Variants in MTR observed in about 807,000 individuals in gnomAD.
MTR encodes the protein methionine synthase.
MTR carries 84 observed loss-of-function variants against 154.8 expected under a neutral mutation model. That is an observed-to-expected ratio of 0.54 (90% confidence interval 0.45 to 0.65). MTR has a LOEUF of 0.65. Ranked by LOEUF, MTR falls within the 30% of genes least tolerant of loss-of-function variation. The pLI is 0.00. For missense variants in MTR, 1,275 were observed against 1,570.2 expected, an observed-to-expected ratio of 0.81 and a Z score of 3.18; for synonymous variants, 554 against 553.9, an observed-to-expected ratio of 1.00 and a Z score of 0.00.
chr1:236,882,437 C>A (rs1428997960), intron 25 of MTR, among the ~76,000 whole-genome samples: 3 of 149,270 alleles, frequency 2.0e-5, no homozygotes, highest in African/African-American at 7.4e-5. Context: ...GTTGCCCAGG[C>A]TGAGGTGCAG....
chr1:236,805,924 C>T (rs1660958145), intron 2 of MTR, among the ~76,000 whole-genome samples: 1 of 152,180 alleles, frequency 6.6e-6, no homozygotes, highest in Non-Finnish European at 1.5e-5. Flanking sequence ...AGCATGTTAA[C>T]ATTGTCTGAA....
At chr1:236,816,995 A>G (rs1447486605) in intron 8 of MTR, among the ~76,000 whole-genome samples, 1 of 152,162 alleles carries the variant, frequency 6.6e-6, no homozygotes, top group African/African-American at 2.4e-5. Flanking sequence ...AGGATCTCTT[A>G]AGGCCAGGTG....
At chr1:236,847,697 C>G (rs1483677319) in intron 15 of MTR, among the ~76,000 whole-genome samples, 2 of 152,202 alleles carry the variant, frequency 1.3e-5, no homozygotes, top group African/African-American at 2.4e-5. Flanking sequence ...TTACAAAACA[C>G]TTGCTGAGAC....
rs1446402513 is a variant in MTR, at chr1:236,821,809, G to A, written c.765-2310G>A. On this transcript the variant is annotated intron_variant, in intron 8 of 32. Transcript: ENST00000366577. ...CCAGTTGTTCCAGCACCATTTATTG[G>A]AAAGAATATCTGTTCTCCATTGGAT... is the stretch of plus-strand genomic sequence containing the variant. 3.9e-5 allele frequency among the ~76,000 whole-genome samples: 6 copies of A among 152,244 alleles called. No homozygotes were observed. The East Asian group carries it at 1.2e-3, about 29-fold the overall frequency.
Position 236,886,294 on chromosome 1 carries a change from G to A in MTR, c.2778G>A (p.Glu926=). ...IRQDHYESLK[E]RRYLPLSQAR... ...AATTTTTCTTTGTTTTTTAACAGGAGAGGAGATACTTACCCTTAAGTCAAG... is the reference window on the plus strand; with the variant it reads ...AATTTTTCTTTGTTTTTTAACAGGAAAGGAGATACTTACCCTTAAGTCAAG... The change falls in exon 27 of 33, where the codon GAG becomes GAA. Residue 926 remains glutamate (E), a splice_region_variant and synonymous_variant. Coordinates refer to ENST00000366577, the MANE Select transcript of MTR (RefSeq NM_000254.3). 1.9e-6 allele frequency: 3 copies of A among 1,613,856 alleles called. No individual in the cohort carries two copies. The South Asian group carries it at 3.3e-5, about 18-fold the overall frequency.
intron 15 of MTR, among the ~76,000 whole-genome samples, chr1:236,844,615 T>G (rs1663464718): frequency 6.6e-6 from 1 of 151,872 alleles, no homozygotes; most frequent in African/African-American, 2.4e-5. Context: ...ACCTTGTGAG[T>G]TGAGAGAGAT....
At chr1:236,881,824 T>C (rs1236460006) in intron 25 of MTR, among the ~76,000 whole-genome samples, 1 of 152,240 alleles carries the variant, frequency 6.6e-6, no homozygotes, top group Non-Finnish European at 1.5e-5. Flanking sequence ...GTGCTTTACA[T>C]GGATTTTATT....
At chr1:236,812,629 A>G in intron 5 of MTR, 109 bp from the exon 6 acceptor site, 1 of 856,906 alleles carries the variant, frequency 1.2e-6, no homozygotes, top group Middle Eastern at 2.2e-4. Context: ...TAAACTATGC[A>G]TTGTAAACCA....
chr1:236,839,113 A>G (rs779536178), intron 15 of MTR, among the ~76,000 whole-genome samples: 24 of 152,238 alleles, frequency 1.6e-4, no homozygotes, highest in Non-Finnish European at 2.6e-4. Flanking sequence ...CAATGACTGT[A>G]TATGAAAATC....
At chr1:236,817,717 T>C (rs931986651) in intron 8 of MTR, among the ~76,000 whole-genome samples, 1 of 152,242 alleles carries the variant, frequency 6.6e-6, no homozygotes, top group Admixed American at 6.5e-5. Context: ...TTCTTTTTTT[T>C]CACACTTAAA....
intron 15 of MTR, among the ~76,000 whole-genome samples, chr1:236,849,109 C>G (rs1663752600): frequency 6.6e-6 from 1 of 152,180 alleles, no homozygotes; most frequent in East Asian, 1.9e-4. Context: ...ATTTTTCATA[C>G]AACCAGAAAT....
rs1666910937 is a variant in MTR, at chr1:236,901,379, A to G, written c.*3735A>G. The G allele has an allele frequency of 1.3e-5, 2 of 152,258 alleles. No individual in the cohort carries two copies. Among genetic ancestry groups the G allele is most frequent in the South Asian group, 4.1e-4 (2 of 4,830 alleles). 9.4% of individuals were successfully genotyped at this position (152,258 alleles called of 1,614,324 possible). On this transcript the variant is annotated 3_prime_UTR_variant, in exon 33 of 33. Coordinates refer to ENST00000366577, the MANE Select transcript of MTR (RefSeq NM_000254.3). ...AGGATTGAGAGTGTTTCAGACAGAA[A>G]AAGGATTATATGCTGAGGGTAAAGC... is the stretch of plus-strand genomic sequence containing the variant.
chr1:236,855,668 C>A (rs1407797640), intron 18 of MTR, among the ~76,000 whole-genome samples: 1 of 152,158 alleles, frequency 6.6e-6, no homozygotes. Flanking sequence ...ACCGTGAGGC[C>A]CCTGTGAGGC....
intron 25 of MTR, among the ~76,000 whole-genome samples, chr1:236,884,655 C>T (rs924008581): frequency 6.6e-6 from 1 of 152,144 alleles, no homozygotes; most frequent in Non-Finnish European, 1.5e-5. Context: ...CAGAAGCTTA[C>T]CTGAGCCTTC....
At chr1:236,825,284 A>T in intron 9 of MTR, 54 bp from the exon 10 acceptor site, 1 of 1,279,032 alleles carries the variant, frequency 7.8e-7, no homozygotes, top group Non-Finnish European at 1.1e-6. Context: ...CTTTAAAAAT[A>T]CAGTGTATAT....
intron 29 of MTR, among the ~76,000 whole-genome samples, chr1:236,892,490 A>G (rs988081474): frequency 6.6e-5 from 10 of 152,198 alleles, no homozygotes; most frequent in African/African-American, 9.7e-5. Context: ...TCTAAAAAAC[A>G]AACAAAAAAG....
At chr1:236,827,499 C>A (rs1662358670) in intron 11 of MTR, among the ~76,000 whole-genome samples, 1 of 152,132 alleles carries the variant, frequency 6.6e-6, no homozygotes, top group Non-Finnish European at 1.5e-5. Flanking sequence ...AAGTAAATCC[C>A]AGATATTATG....
intron 24 of MTR, 55 bp from the exon 25 acceptor site, chr1:236,880,700 G>A (rs1273647497): frequency 7.3e-6 from 10 of 1,371,438 alleles, no homozygotes; most frequent in African/African-American, 1.4e-5. Flanking sequence ...AACAAGAGTT[G>A]TATAGGAACT....
chr1:236,897,407 G>C (rs1666724472), intron 32 of MTR, 151 bp from the exon 33 acceptor site: 1 of 800,776 alleles, frequency 1.2e-6, no homozygotes, highest in Non-Finnish European at 2.1e-6. Flanking sequence ...AGGCAACTTG[G>C]TAGATAAATA....
Sources: gnomAD v4.1 joint callset for allele counts (sites outside exome capture counted in the v4.1 genomes callset) on GRCh38, gnomAD v4.1.1 for gene constraint, MANE v1.5 for transcripts, NCBI Gene and HGNC (gene_info 2026-07-23, HGNC 2026-07-21) for gene names.